The following AGBL1 variants were observed in gnomAD, a reference collection of about 807,000 sequenced individuals.
AGBL1 encodes the protein cytosolic carboxypeptidase 4.
A neutral mutation model predicts 118.9 loss-of-function variants in AGBL1; 130 were observed. The ratio of observed to expected loss-of-function variants is 1.09; its 90% CI spans 0.95 to 1.26. The LOEUF (loss-of-function observed/expected upper bound fraction) is 1.26, where lower values mean the gene tolerates loss of function less well. AGBL1 is among the 50% of genes most tolerant of loss of function. AGBL1 has a pLI of 0.00. For synonymous variants in AGBL1, 555 were observed against 478.9 expected, an observed-to-expected ratio of 1.16 and a Z score of -2.08; for missense variants, 1,584 against 1,298.1, an observed-to-expected ratio of 1.22 and a Z score of -3.38.
intron 5 of AGBL1, among the ~76,000 whole-genome samples, chr15:86,212,341 A>G (rs1751599300): frequency 6.6e-6 from 1 of 152,202 alleles, no homozygotes; most frequent in African/African-American, 2.4e-5. Flanking sequence ...TGTGATGAGA[A>G]CTCAGAGAAG....
intron 5 of AGBL1, among the ~76,000 whole-genome samples, chr15:86,214,390 G>A (rs1301280910): frequency 6.6e-6 from 1 of 152,120 alleles, no homozygotes; most frequent in African/African-American, 2.4e-5. Context: ...ACATTCTGTA[G>A]AATTCTATTT....
At chr15:86,256,139 A>G (rs1196771994) in intron 7 of AGBL1, among the ~76,000 whole-genome samples, 2 of 152,214 alleles carry the variant, frequency 1.3e-5, no homozygotes, top group East Asian at 1.9e-4. Flanking sequence ...ACTGAACTAT[A>G]CTCAACTCTC....
intron 21 of AGBL1, among the ~76,000 whole-genome samples, chr15:86,657,907 G>A (rs1475937396): frequency 6.6e-6 from 1 of 152,002 alleles, no homozygotes; most frequent in African/African-American, 2.4e-5. Flanking sequence ...GGGGAGCTAA[G>A]TTAGGGATGC....
Position 86,848,818 on chromosome 15 carries a change from A to C in AGBL1, c.3159-58269A>C, listed in dbSNP as rs528098122. Among the ~76,000 whole-genome samples the C allele has an allele frequency of 5.9e-5, 9 of 152,296 alleles. 1 individual carries two copies. In the South Asian group the frequency reaches 1.7e-3, roughly 28 times the overall value. The stretch of plus-strand genomic sequence containing the variant: ...TATCTTTAAACTTTTTTATGGTAGC[A>C]ATATACATAGGGGAAAAGGAGATTG... On this transcript the variant is annotated intron_variant, in intron 22 of 22. Transcript: ENST00000614907.
At position 86,726,054 on chromosome 15, in the gene AGBL1, T is replaced by C. The variant is rs545558839; in HGVS notation, c.3158+51618T>C. On this transcript the variant is annotated intron_variant, in intron 22 of 22. Transcript: ENST00000614907. ...CCAATGAACAGATAAATGTGAGAAA[T>C]CATCTAGCAATACTGTCATAGGATA... Among the ~76,000 whole-genome samples the C allele has an allele frequency of 3.9e-5, 6 of 152,336 alleles. No individual in the cohort carries two copies. The South Asian group carries it at 1.2e-3, about 32-fold the overall frequency.
intron 21 of AGBL1, among the ~76,000 whole-genome samples, chr15:86,621,207 T>TCAAGGATGAC (rs1343430387): frequency 6.6e-6 from 1 of 152,192 alleles, no homozygotes; most frequent in Admixed American, 6.5e-5. Flanking sequence ...AATATGTTGA[T>TCAAGGATGAC]CAAGGATGAC....
chr15:87,016,948 G>A (rs534734009), intron 24 of AGBL1, among the ~76,000 whole-genome samples: 42 of 152,256 alleles, frequency 2.8e-4, no homozygotes, highest in Non-Finnish European at 4.3e-4. Context: ...CAGGAGTTTT[G>A]CATACTGTGG....
At chr15:86,348,994 T>C (rs1289175206) in intron 17 of AGBL1, among the ~76,000 whole-genome samples, 1 of 152,080 alleles carries the variant, frequency 6.6e-6, no homozygotes, top group Non-Finnish European at 1.5e-5. Flanking sequence ...GTTGTCCTTT[T>C]AAGACAAGGA....
intron 22 of AGBL1, among the ~76,000 whole-genome samples, chr15:86,844,003 CT>C (rs1227172964): frequency 6.6e-6 from 1 of 152,124 alleles, no homozygotes; most frequent in African/African-American, 2.4e-5. Flanking sequence ...AGTCTTCTGG[CT>C]TCCTTCACAT....
intron 17 of AGBL1, among the ~76,000 whole-genome samples, chr15:86,319,179 C>T (rs999620466): frequency 7.2e-5 from 11 of 152,104 alleles, no homozygotes; most frequent in East Asian, 1.9e-4. Flanking sequence ...CTCTCCTAAC[C>T]GAGTATATAC....
intron 7 of AGBL1, among the ~76,000 whole-genome samples, chr15:86,249,267 C>T (rs1354859519): frequency 6.6e-6 from 1 of 152,132 alleles, no homozygotes; most frequent in Admixed American, 6.5e-5. Context: ...CCTTTATCAG[C>T]CTTCTTGCTC....
At chr15:86,370,158 T>G (rs1457598718) in intron 17 of AGBL1, among the ~76,000 whole-genome samples, 2 of 152,124 alleles carry the variant, frequency 1.3e-5, no homozygotes, top group Admixed American at 6.5e-5. Flanking sequence ...TATAAAAACA[T>G]ATGAGGTGTA....
chr15:86,281,179 T>A (rs1326692502), intron 16 of AGBL1, among the ~76,000 whole-genome samples: 2 of 152,142 alleles, frequency 1.3e-5, no homozygotes, highest in Non-Finnish European at 2.9e-5. Flanking sequence ...AGCCCAGAGT[T>A]CGAGACCAGC....
chr15:86,366,296 C>G (rs1422374938), intron 17 of AGBL1, among the ~76,000 whole-genome samples: 2 of 152,246 alleles, frequency 1.3e-5, no homozygotes, highest in East Asian at 3.9e-4. Context: ...TAGAGAGGAA[C>G]AAAGTAGTAC....
At chr15:86,571,928 C>A (rs1350892893) in intron 21 of AGBL1, among the ~76,000 whole-genome samples, 1 of 152,190 alleles carries the variant, frequency 6.6e-6, no homozygotes, top group Non-Finnish European at 1.5e-5. Flanking sequence ...GCTGTTCATG[C>A]TAAGGGAAGC....
rs547436486 is a variant in AGBL1 at position 86,947,872 on chromosome 15, T to C, written c.3222-40115T>C. Among the ~76,000 whole-genome samples, 7 of 152,316 alleles carry C rather than the reference T, an allele frequency of 4.6e-5. No homozygotes were observed. The South Asian group carries it at 1.2e-3, about 27-fold the overall frequency. On this transcript the variant is annotated intron_variant, in intron 23 of 24. Coordinates refer to the AGBL1 transcript ENST00000441037. ...TCCTTTAGATTTTACATTAAAAATA[T>C]AGTATTTTTTCTGCTATACTGCTAT...
Position 86,141,962 on chromosome 15 carries a change from C to T in AGBL1, c.52-42C>T, listed in dbSNP as rs1172960988. On this transcript the variant is annotated intron_variant, in intron 1 of 22. Transcript: ENST00000614907. ...ACATCCCTGATCATCCAACTCCTTC[C>T]TCTTGCATTCTTAAATATGGCTGCC... 5 of 1,537,778 alleles carry T rather than the reference C, an allele frequency of 3.3e-6. No homozygotes were observed. The African/African-American group carries it at 6.9e-5, about 21-fold the overall frequency.
chr15:86,090,459 A>G (rs373421759), intron 1 of AGBL1, among the ~76,000 whole-genome samples: 69 of 152,316 alleles, frequency 4.5e-4, no homozygotes, highest in African/African-American at 1.6e-3. Context: ...TGTTTCTATC[A>G]TTATATACCT....
At chr15:86,962,617 G>A (rs935378441) in intron 23 of AGBL1, among the ~76,000 whole-genome samples, 2 of 151,994 alleles carry the variant, frequency 1.3e-5, no homozygotes, top group South Asian at 4.1e-4. Context: ...TTCAGGTTAT[G>A]CAGGACATAC....
Sources: allele counts gnomAD v4.1 joint callset (sites outside exome capture counted in the v4.1 genomes callset), GRCh38; gene constraint gnomAD v4.1.1; transcripts MANE v1.5; gene names NCBI Gene and HGNC (gene_info 2026-07-23, HGNC 2026-07-21).